SHC2: variants seen among roughly 807,000 people sequenced by gnomAD.
SHC2 encodes SHC adaptor protein 2.
Under a neutral mutation model 60.6 loss-of-function variants are expected in SHC2, and 62 were observed. That is an observed-to-expected ratio of 1.02 (90% CI 0.83 to 1.26). The LOEUF (loss-of-function observed/expected upper bound fraction) is 1.26, where lower values mean the gene tolerates loss of function less well. SHC2 is among the 50% of genes most tolerant of loss of function. The probability of loss-of-function intolerance (pLI) is 0.00; values close to 1 mark genes in which losing one functional copy is unlikely to be tolerated. For synonymous variants in SHC2, 375 were observed against 372.4 expected (o/e 1.01, Z -0.08); for missense variants, 873 against 822.2 (o/e 1.06, Z -0.76).
intron 1 of SHC2, among the ~76,000 whole-genome samples, chr19:452,740 C>T (rs1157072929): frequency 1.3e-5 from 2 of 152,206 alleles, no homozygotes; most frequent in African/African-American, 4.8e-5. Flanking sequence ...CGGCCACACG[C>T]AGCTGCAGCT....
Position 441,114 on chromosome 19 carries a change from G to T in SHC2, c.469-182C>A, listed in dbSNP as rs12980003. On this transcript the variant is annotated intron_variant, in intron 1 of 12. Coordinates refer to ENST00000264554, the MANE Select transcript of SHC2 (RefSeq NM_012435.3). The surrounding 1 kb of genome is among the most constrained non-coding windows in gnomAD (Gnocchi z 4.9). ...AGGCCCAGCCTTGACACTGTCCTGC[G>T]AGCCGCCCCCTCTGACTCCAGGCAT... The T allele has an allele frequency of 1.0e-5, 10 of 984,612 alleles. No individual in the cohort carries two copies. The highest frequency in any genetic ancestry group is 1.2e-5 in the Non-Finnish European group (10 of 829,622). 61.0% of individuals were successfully genotyped at this position (984,612 alleles called of 1,614,324 possible).
In SHC2 at chr19:425,529, CA is replaced by C. The variant is rs1568282494; in HGVS notation, c.1175-299del. ...GGAGAAGGCAGCCGCTGCTCCACCC[CA>C]CCCCGCCCTGGCCCTCCCCGGCCCA... On this transcript the variant is annotated intron_variant, in intron 9 of 12. Coordinates refer to ENST00000264554, the MANE Select transcript of SHC2 (RefSeq NM_012435.3). The surrounding 1 kb of genome is among the most constrained non-coding windows in gnomAD (Gnocchi z 4.1). 6.6e-6 allele frequency among the ~76,000 whole-genome samples: 1 copy of C among 152,210 alleles called. No individual in the cohort carries two copies. Among genetic ancestry groups the C allele is most frequent in the Non-Finnish European group, 1.5e-5 (1 of 68,030 alleles).
chr19:456,510 T>G (rs1468925154), intron 1 of SHC2, among the ~76,000 whole-genome samples: 2 of 151,882 alleles, frequency 1.3e-5, no homozygotes, highest in East Asian at 3.9e-4. Context: ...CAGCAACACT[T>G]CCACACGGCC....
intron 7 of SHC2, among the ~76,000 whole-genome samples, chr19:435,481 G>A (rs1343040980): frequency 1.3e-5 from 2 of 152,248 alleles, no homozygotes; most frequent in South Asian, 2.1e-4. Context: ...AGTGTGAGCA[G>A]GCGTGCGATG....
intron 1 of SHC2, among the ~76,000 whole-genome samples, chr19:442,916 T>G (rs1600306731): frequency 1.9e-5 from 2 of 106,028 alleles, no homozygotes; most frequent in Admixed American, 1.0e-4. Context: ...GATGGACGGG[T>G]GGGTGGATGG....
In SHC2 at chr19:425,250, G is replaced by A. The variant is rs200445811; in HGVS notation, c.1175-19C>T. 5.3e-6 allele frequency: 7 copies of A among 1,316,130 alleles called. 1 individual carries two copies. The Admixed American group carries it at 2.1e-4, about 40-fold the overall frequency. 81.5% of individuals were successfully genotyped at this position (1,316,130 alleles called of 1,614,324 possible). A position where few individuals can be genotyped will look rare whatever the true frequency, so the allele number is the denominator to read the frequency against. On this transcript the variant is annotated intron_variant, in intron 9 of 12. Coordinates refer to ENST00000264554, the MANE Select transcript of SHC2 (RefSeq NM_012435.3). This position sits in a 1 kb window ranked among gnomAD's most constrained non-coding sequence, Gnocchi z 4.1. The stretch of plus-strand genomic sequence containing the variant: ...GGTGGAGCTGGGGAGTGTAAAGAGG[G>A]GCAGGGGGTCAGCTGGGAGCCAGGC...
At chr19:452,199 T>C (rs1337653572) in intron 1 of SHC2, among the ~76,000 whole-genome samples, 1 of 150,546 alleles carries the variant, frequency 6.6e-6, no homozygotes, top group Non-Finnish European at 1.5e-5. Context: ...AGGTGTGCGT[T>C]TCTCCATTTC....
chr19:418,918 C>T lies in SHC2; in HGVS notation c.*5+5G>A, dbSNP rs2145684432. 1.3e-6 allele frequency: 2 copies of T among 1,580,782 alleles called. No homozygotes were observed. Among genetic ancestry groups the T allele is most frequent in the African/African-American group, 1.3e-5 (1 of 74,488 alleles). On this transcript the variant is annotated splice_donor_5th_base_variant and intron_variant, in intron 12 of 12. Transcript: ENST00000264554. ...GGCCAGCGACCCACGGCGGCAGCCA[C>T]ACACCTGGCTCAGGGCTCCCGTGAG... is the stretch of plus-strand genomic sequence containing the variant.
intron 9 of SHC2, among the ~76,000 whole-genome samples, chr19:427,897 G>A (rs1445086953): frequency 1.3e-5 from 2 of 149,384 alleles, no homozygotes; most frequent in African/African-American, 5.0e-5. Context: ...AACTGCACAC[G>A]GCGCAGGGAA....
Position 442,437 on chromosome 19 carries a change from G to A in SHC2, c.469-1505C>T, listed in dbSNP as rs541844317. Among the ~76,000 whole-genome samples the A allele has an allele frequency of 2.4e-3, 332 of 139,324 alleles. 2 individuals carry two copies. The highest frequency in any genetic ancestry group is 8.6e-3 in the African/African-American group (313 of 36,488). The allele number at this position is 139,324 out of a possible 152,430, so 91.4% of individuals were successfully genotyped here. On this transcript the variant is annotated intron_variant, in intron 1 of 12. Transcript: ENST00000264554. ...TGGATGGACAGATGGATGGATGGGC[G>A]GGTGGATGGATGGATGGATGAATGG... is the stretch of plus-strand genomic sequence containing the variant.
chr19:430,837 A>G lies in SHC2; in HGVS notation c.1111-90T>C, dbSNP rs573867269. 4 of 1,210,302 alleles carry G rather than the reference A, an allele frequency of 3.3e-6. No homozygotes were observed. The African/African-American group carries it at 6.0e-5, about 18-fold the overall frequency. The allele number at this position is 1,210,302 out of a possible 1,614,324, so 75.0% of individuals were successfully genotyped here. A position where few individuals can be genotyped will look rare whatever the true frequency, so the allele number is the denominator to read the frequency against. On this transcript the variant is annotated intron_variant, in intron 8 of 12. Coordinates refer to ENST00000264554, the MANE Select transcript of SHC2 (RefSeq NM_012435.3). The stretch of plus-strand genomic sequence containing the variant: ...CAGTCTCCCCGCCCGGCCCTCTTAG[A>G]TGGCTGGAGACTTAGGGGTGGGGAG...
At chr19:448,235 C>T (rs923711115) in intron 1 of SHC2, among the ~76,000 whole-genome samples, 8 of 152,252 alleles carry the variant, frequency 5.3e-5, no homozygotes, top group Admixed American at 1.3e-4. Context: ...CCCAGGGCTG[C>T]CGTGAGCAAA....
At chr19:427,209 T>C (rs1160731059) in intron 9 of SHC2, among the ~76,000 whole-genome samples, 1 of 151,996 alleles carries the variant, frequency 6.6e-6, no homozygotes, top group Non-Finnish European at 1.5e-5. Flanking sequence ...TCAACACAGA[T>C]GTTAGCAAGG....
intron 2 of SHC2, 67 bp from the exon 3 acceptor site, chr19:439,097 G>A (rs1974792068): frequency 1.1e-6 from 1 of 900,650 alleles, no homozygotes; most frequent in Non-Finnish European, 1.7e-6. Flanking sequence ...TGGGGAGGAA[G>A]GGGTCAGAGA....
At position 425,617 on chromosome 19, in the gene SHC2, C is replaced by G. The variant is rs1166257075; in HGVS notation, c.1175-386G>C. 1.3e-5 allele frequency among the ~76,000 whole-genome samples: 2 copies of G among 152,242 alleles called. No homozygotes were observed. Among genetic ancestry groups the G allele is most frequent in the South Asian group, 4.1e-4 (2 of 4,828 alleles). On this transcript the variant is annotated intron_variant, in intron 9 of 12. Transcript: ENST00000264554. The surrounding 1 kb of genome is among the most constrained non-coding windows in gnomAD (Gnocchi z 4.1). ...CCACATTTAAAAATAATCACAGTAA[C>G]TCTGCTTCCCTGTAATTATGCTATC... is the stretch of plus-strand genomic sequence containing the variant.
chr19:437,242 ATCTGCGTGCTCGTTTGCGTGCTCG>A (rs1232984229), intron 4 of SHC2, among the ~76,000 whole-genome samples: 7 of 151,784 alleles, frequency 4.6e-5, no homozygotes, highest in Admixed American at 1.3e-4. Context: ...TTGCGAGCTC[ATCTGCGTGCTCGTTTGCGTGCTCG>A]TCTGCGTGCT....
Position 460,806 on chromosome 19 carries a change from G to A in SHC2, c.191C>T (p.Pro64Leu). The A allele has an allele frequency of 1.0e-6, 1 of 979,334 alleles. No homozygotes were observed. Among genetic ancestry groups the A allele is most frequent in the Non-Finnish European group, 1.2e-6 (1 of 827,664 alleles). The allele number at this position is 979,334 out of a possible 1,614,324, so 60.7% of individuals were successfully genotyped here. Reference protein sequence around the residue: ...AGASGGADPQPEPAGPGGVPA... With the variant: ...AGASGGADPQLEPAGPGGVPA... ...GACGCCCCCCGGGCCCGCCGGCTCG[G>A]GTTGGGGGTCCGCGCCCCCCGAGGC... Residue 64 changes from proline to leucine, a missense_variant, in exon 1 of 13, where the codon CCC (proline) becomes CTC (leucine). Transcript: ENST00000264554.
chr19:419,161 C>A (rs1974216023), intron 11 of SHC2, 105 bp from the exon 12 acceptor site: 8 of 1,321,708 alleles, frequency 6.1e-6, no homozygotes, highest in Non-Finnish European at 8.1e-6. Flanking sequence ...AGGGTGCCTG[C>A]ATGGACGAGG....
At chr19:444,039 G>A in intron 1 of SHC2, among the ~76,000 whole-genome samples, 1 of 150,430 alleles carries the variant, frequency 6.6e-6, no homozygotes, top group East Asian at 2.0e-4. Context: ...GTGGATGGGT[G>A]GATGGACGGA....
Sources: allele counts gnomAD v4.1 joint callset (sites outside exome capture counted in the v4.1 genomes callset), GRCh38; gene constraint gnomAD v4.1.1; non-coding constraint Gnocchi (gnomAD v3.1); transcripts MANE v1.5; gene names NCBI Gene and HGNC (gene_info 2026-07-23, HGNC 2026-07-21).